The following ZNF536 variants were observed in gnomAD, a reference collection of about 807,000 sequenced individuals.
The protein encoded by ZNF536 is zinc finger protein 536.
In ZNF536, 13 loss-of-function variants were observed where a neutral mutation model predicts 84.5. The observed-to-expected ratio is 0.15, with a 90% confidence interval of 0.10 to 0.24. The LOEUF (loss-of-function observed/expected upper bound fraction) is 0.24. Ranked by LOEUF, ZNF536 falls within the 10% of genes least tolerant of loss-of-function variation. ZNF536 has a pLI of 1.00. For synonymous variants in ZNF536, 811 were observed against 742.5 expected (o/e 1.09, Z -1.50); for missense variants, 1,536 against 1,747.5 (o/e 0.88, Z 2.16).
intron 2 of ZNF536, among the ~76,000 whole-genome samples, chr19:30,517,835 T>C (rs2044147030): frequency 6.6e-6 from 1 of 152,110 alleles, no homozygotes; most frequent in South Asian, 2.1e-4. Context: ...ATTTAACACA[T>C]GAAAACCCTG....
intron 2 of ZNF536, among the ~76,000 whole-genome samples, chr19:30,344,320 A>G (rs1220443282): frequency 6.1e-5 from 3 of 48,932 alleles, no homozygotes; most frequent in Non-Finnish European, 1.1e-4. Flanking sequence ...GCCTCCTATA[A>G]TCCCAGCTAC....
intron 1 of ZNF536, among the ~76,000 whole-genome samples, chr19:30,609,735 C>CATCCATCCACCCATCCACCT (rs2048021812): frequency 6.6e-6 from 1 of 150,932 alleles, no homozygotes; most frequent in African/African-American, 2.4e-5. Flanking sequence ...TCCATCCACC[C>CATCCATCCACCCATCCACCT]ATCCATCCAC....
chr19:30,485,134 ACT>A (rs200856615), intron 2 of ZNF536, among the ~76,000 whole-genome samples: 2,707 of 150,842 alleles, frequency 0.018, 69 homozygotes, highest in African/African-American at 0.063. Flanking sequence ...ACAGTGTGAG[ACT>A]CTGTCTCAAA....
chr19:30,312,595 A>G lies in ZNF536; in HGVS notation c.-120+28454A>G, dbSNP rs528575292. Among the ~76,000 whole-genome samples, 6 of 152,328 alleles carry G rather than the reference A, an allele frequency of 3.9e-5. No homozygotes were observed. The East Asian group carries it at 1.2e-3, about 29-fold the overall frequency. ...ACAAATAAAAATCATAAAATTTACAAAGTATTTTCTGTCTTTGAAAGATTC... is the reference window on the plus strand; with the variant it reads ...ACAAATAAAAATCATAAAATTTACAGAGTATTTTCTGTCTTTGAAAGATTC... On this transcript the variant is annotated intron_variant, in intron 2 of 5. Transcript: ENST00000585628.
intron 1 of ZNF536, among the ~76,000 whole-genome samples, chr19:30,271,478 G>A (rs2025850662): frequency 6.6e-6 from 1 of 151,986 alleles, no homozygotes; most frequent in Admixed American, 6.6e-5. Flanking sequence ...ATAACCAGTA[G>A]CTGGAGCTAA....
At chr19:30,674,236 A>G (rs2050671312) in intron 1 of ZNF536, among the ~76,000 whole-genome samples, 1 of 152,182 alleles carries the variant, frequency 6.6e-6, no homozygotes, top group Admixed American at 6.5e-5. Context: ...GTGCTCCTTA[A>G]GGCACGTAGG....
intron 2 of ZNF536, among the ~76,000 whole-genome samples, chr19:30,301,659 A>G (rs2046189086): frequency 6.6e-6 from 1 of 152,128 alleles, no homozygotes; most frequent in Admixed American, 6.5e-5. Flanking sequence ...ATATAACCGA[A>G]TCTTTTGTCT....
At chr19:30,580,282 T>C (rs561817118) in intron 1 of ZNF536, among the ~76,000 whole-genome samples, 1 of 152,262 alleles carries the variant, frequency 6.6e-6, no homozygotes, top group African/African-American at 2.4e-5. Flanking sequence ...GCTTTCTGGT[T>C]TGTGCTACAG....
chr19:30,639,676 G>A (rs1354745752), intron 1 of ZNF536, among the ~76,000 whole-genome samples: 2 of 152,150 alleles, frequency 1.3e-5, no homozygotes, highest in African/African-American at 4.8e-5. Context: ...GCCCCTTTAG[G>A]GGTAACAAAT....
intron 3 of ZNF536, among the ~76,000 whole-genome samples, chr19:30,365,173 T>G (rs917837154): frequency 5.2e-5 from 8 of 152,388 alleles, no homozygotes; most frequent in Admixed American, 2.0e-4. Flanking sequence ...TTCATGCATT[T>G]TAAAATTTTT....
intron 2 of ZNF536, among the ~76,000 whole-genome samples, chr19:30,468,954 G>C (rs1227674131): frequency 6.6e-6 from 1 of 152,060 alleles, no homozygotes; most frequent in Non-Finnish European, 1.5e-5. Flanking sequence ...CCCATAAAGG[G>C]GGGCCCCTCC....
At chr19:30,488,682 C>T (rs540205510) in intron 2 of ZNF536, among the ~76,000 whole-genome samples, 1 of 152,034 alleles carries the variant, frequency 6.6e-6, no homozygotes, top group South Asian at 2.1e-4. Flanking sequence ...AAGCCAGGGG[C>T]AGAGGGCGGG....
chr19:30,489,497 G>A (rs918832029), intron 2 of ZNF536, among the ~76,000 whole-genome samples: 3 of 152,100 alleles, frequency 2.0e-5, no homozygotes, highest in African/African-American at 4.8e-5. Flanking sequence ...TGGGAGGATC[G>A]CTTGAGCCCG....
rs112799633 is a variant in ZNF536 at position 30,602,100 on chromosome 19, G to A, written c.169+52586G>A. Among the ~76,000 whole-genome samples the A allele has an allele frequency of 5.4e-3, 828 of 152,284 alleles. 9 individuals are homozygous for A. The highest frequency in any genetic ancestry group is 0.019 in the African/African-American group (770 of 41,552). On this transcript the variant is annotated intron_variant, in intron 1 of 1. Coordinates refer to the ZNF536 transcript ENST00000592773. Reference sequence around the variant, plus strand: ...CCACCCATTAGCGTTATCTGCAGTGGTATCAAAAAACGAATTAGGGTGCAC... The same window carrying A: ...CCACCCATTAGCGTTATCTGCAGTGATATCAAAAAACGAATTAGGGTGCAC...
intron 2 of ZNF536, among the ~76,000 whole-genome samples, chr19:30,513,291 A>G (rs2055494503): frequency 6.6e-6 from 1 of 152,146 alleles, no homozygotes; most frequent in African/African-American, 2.4e-5. Context: ...GCGCAAGAAA[A>G]TAAAATATAA....
chr19:30,485,694 G>A (rs910785720), intron 2 of ZNF536, among the ~76,000 whole-genome samples: 3 of 134,208 alleles, frequency 2.2e-5, no homozygotes, highest in African/African-American at 7.1e-5. Context: ...GGAAGCAGGC[G>A]GTGGGGTGGG....
chr19:30,547,902 A>T lies in ZNF536; in HGVS notation c.2324-41A>T, dbSNP rs367901262. On this transcript the variant is annotated intron_variant, in intron 3 of 4. Transcript: ENST00000355537. ...CAGCCTCGTTCAGCACACCAAAATG[A>T]GATAAACGCCTCTTTTTTTTCTTAT... 155 of 1,510,980 alleles carry T rather than the reference A, an allele frequency of 1.0e-4. No individual in the cohort carries two copies. The African/African-American group carries it at 2.0e-3, about 20-fold the overall frequency. The allele number at this position is 1,510,980 out of a possible 1,614,324, so 93.6% of individuals were successfully genotyped here. A position where few individuals can be genotyped will look rare whatever the true frequency, so the allele number is the denominator to read the frequency against.
At chr19:30,288,667 T>C (rs1035918919) in intron 2 of ZNF536, among the ~76,000 whole-genome samples, 1 of 152,230 alleles carries the variant, frequency 6.6e-6, no homozygotes, top group Non-Finnish European at 1.5e-5. Flanking sequence ...ATTCAGTAGC[T>C]GTCTGACCCA....
intron 1 of ZNF536, among the ~76,000 whole-genome samples, chr19:30,703,721 A>T (rs1329158938): frequency 3.9e-5 from 6 of 152,212 alleles, no homozygotes; most frequent in Admixed American, 2.0e-4. Flanking sequence ...TTAGATCAAC[A>T]GCAGGATGAC....
Sources: gnomAD v4.1 joint callset for allele counts (sites outside exome capture counted in the v4.1 genomes callset) on GRCh38, gnomAD v4.1.1 for gene constraint, MANE v1.5 for transcripts, NCBI Gene and HGNC (gene_info 2026-07-23, HGNC 2026-07-21) for gene names.